The following MIGA1 variants were observed in gnomAD, a reference collection of about 807,000 sequenced individuals.
MIGA1 encodes the protein mitoguardin 1.
Under a neutral mutation model 82.0 loss-of-function variants are expected in MIGA1, and 58 were observed. The observed-to-expected ratio is 0.71, with a 90% confidence interval of 0.57 to 0.88. MIGA1 has a LOEUF of 0.88. Among genes scored for constraint, MIGA1 ranks in the 40% least tolerant of loss-of-function variants. The pLI is 0.00. For synonymous variants in MIGA1, 249 were observed against 253.6 expected, an observed-to-expected ratio of 0.98 and a Z score of 0.17; for missense variants, 751 against 749.1, an observed-to-expected ratio of 1.00 and a Z score of -0.03.
chr1:77,855,834 G>A (rs544470676), intron 8 of MIGA1, among the ~76,000 whole-genome samples: 5 of 152,086 alleles, frequency 3.3e-5, no homozygotes, highest in Admixed American at 2.6e-4. Context: ...CATATTGACA[G>A]CAAACAGTGA....
At chr1:77,816,091 G>A (rs1442915362) in intron 7 of MIGA1, among the ~76,000 whole-genome samples, 2 of 152,118 alleles carry the variant, frequency 1.3e-5, no homozygotes, top group Non-Finnish European at 2.9e-5. Flanking sequence ...TTACAGGCAT[G>A]TGCCACCATA....
chr1:77,858,857 T>A (rs1685361985), intron 8 of MIGA1, 81 bp from the exon 9 acceptor site: 1 of 771,054 alleles, frequency 1.3e-6, no homozygotes, highest in Non-Finnish European at 2.2e-6. Flanking sequence ...TGGGTTCAAA[T>A]GATCCTCCCA....
At chr1:77,818,866 G>A (rs991146075) in intron 7 of MIGA1, among the ~76,000 whole-genome samples, 1 of 151,906 alleles carries the variant, frequency 6.6e-6, no homozygotes, top group Admixed American at 6.6e-5. Flanking sequence ...AATCACCTGA[G>A]GTCGGGAGTT....
rs765998538 is a variant in MIGA1, at chr1:77,803,351, A to G, written c.455A>G (p.Tyr152Cys). ...GACAAAGGATCTCAAGTTTGTAACT[A>G]TGCTAATGGAGGACTTTTCAGTAAA... The change falls in exon 4 of 16, where the codon TAT (tyrosine) becomes TGT (cysteine). Residue 152 changes from tyrosine (Y) to cysteine (C), a missense_variant. Tyr to Cys is a radical substitution (Grantham distance 194). Around this residue, in one of 3 missense-constraint regions of MIGA1, gnomAD observed 482 missense variants for 439.4 expected, o/e 1.10. Coordinates refer to ENST00000370791, the MANE Select transcript of MIGA1 (RefSeq NM_198549.4). The G allele has an allele frequency of 6.4e-7, 1 of 1,568,048 alleles. No individual in the cohort carries two copies. Among genetic ancestry groups the G allele is most frequent in the Admixed American group, 1.8e-5 (1 of 55,346 alleles).
intron 2 of MIGA1, among the ~76,000 whole-genome samples, chr1:77,795,897 G>A (rs1432448542): frequency 6.6e-6 from 1 of 151,768 alleles, no homozygotes; most frequent in African/African-American, 2.4e-5. Flanking sequence ...GCCTCCCAAA[G>A]TGCTGGTCAT....
rs1646898631 is a variant in MIGA1, at chr1:77,876,995, C to T, written c.*1931C>T. On this transcript the variant is annotated 3_prime_UTR_variant, in exon 16 of 16. Coordinates refer to ENST00000370791, the MANE Select transcript of MIGA1 (RefSeq NM_198549.4). Reference sequence around the variant, plus strand: ...TTAGGAGTGAGTTGCACAAAAGGACCTAAAATGCATTGTTTTTTGCCTTCT... The same window carrying T: ...TTAGGAGTGAGTTGCACAAAAGGACTTAAAATGCATTGTTTTTTGCCTTCT... 6.6e-6 allele frequency: 1 copy of T among 152,108 alleles called. No individual in the cohort carries two copies. Among genetic ancestry groups the T allele is most frequent in the African/African-American group, 2.4e-5 (1 of 41,386 alleles). The allele number at this position is 152,108 out of a possible 1,614,324, so 9.4% of individuals were successfully genotyped here.
At chr1:77,859,572 T>TA in intron 10 of MIGA1, 186 bp downstream of exon 10, 1 of 538,908 alleles carries the variant, frequency 1.9e-6, no homozygotes, top group East Asian at 2.8e-5. Flanking sequence ...CATATTTCAT[T>TA]ATCCTCTCCC....
At chr1:77,863,080 T>G (rs762514162) in intron 12 of MIGA1, among the ~76,000 whole-genome samples, 2 of 152,142 alleles carry the variant, frequency 1.3e-5, no homozygotes, top group African/African-American at 2.4e-5. Flanking sequence ...ATGAAATCAG[T>G]ATCCATTTAC....
Position 77,807,097 on chromosome 1 carries a change from A to C in MIGA1, c.633A>C (p.Leu211Phe), listed in dbSNP as rs1173618027. The C allele has an allele frequency of 3.2e-6, 5 of 1,572,604 alleles. No homozygotes were observed. The highest frequency in any genetic ancestry group is 4.3e-6 in the Non-Finnish European group (5 of 1,151,660). ...TGACTACTCCAGAGAACTTATACTT[A>C]ATGGGTAGGAATGAGATGATAACAT... Residue 211 changes from leucine to phenylalanine, a missense_variant, in exon 5 of 16, where the codon TTA becomes TTC. By Grantham distance (22) the Leu-to-Phe change is conservative. Transcript: ENST00000370791.
rs745717394 is a variant in MIGA1 at position 77,815,128 on chromosome 1, T to C, written c.792T>C (p.Phe264=). 6.3e-7 allele frequency: 1 copy of C among 1,596,326 alleles called. No individual in the cohort carries two copies. The highest frequency in any genetic ancestry group is 1.7e-5 in the Admixed American group (1 of 58,866). Residue 264 remains phenylalanine, a synonymous_variant, in exon 7 of 16, where the codon TTT becomes TTC. Transcript: ENST00000370791. ...TGTAGGATATTATTAGTACTGAATT[T>C]ATCCATAAACTCGAAGCTCTGCTGC...
chr1:77,866,938 C>T (rs1685694416), intron 14 of MIGA1, among the ~76,000 whole-genome samples: 1 of 152,032 alleles, frequency 6.6e-6, no homozygotes, highest in Non-Finnish European at 1.5e-5. Context: ...CCTTGGCCTC[C>T]CAAAGTGCTG....
chr1:77,779,876 T>A, intron 1 of MIGA1, 140 bp downstream of exon 1: 1 of 1,425,758 alleles, frequency 7.0e-7, no homozygotes, highest in Non-Finnish European at 9.1e-7. Context: ...GAGTGCCAGG[T>A]GGAGCGGCGG....
chr1:77,832,459 A>T (rs1389257592), intron 7 of MIGA1, among the ~76,000 whole-genome samples: 1 of 152,256 alleles, frequency 6.6e-6, no homozygotes, highest in African/African-American at 2.4e-5. Context: ...GAGTAAGTAC[A>T]TAATAACATG....
Position 77,864,042 on chromosome 1 carries a change from A to G in MIGA1, c.1509+14A>G. 6.2e-7 allele frequency: 1 copy of G among 1,604,522 alleles called. No homozygotes were observed. Among genetic ancestry groups the G allele is most frequent in the South Asian group, 1.1e-5 (1 of 88,804 alleles). On this transcript the variant is annotated intron_variant, in intron 13 of 15. Coordinates refer to ENST00000370791, the MANE Select transcript of MIGA1 (RefSeq NM_198549.4). ...TTCAAAGAAACAGTAAGTGGTGGTT[A>G]ACCTTTCTCAGCCTTTTAAGTTTGA... is the stretch of plus-strand genomic sequence containing the variant.
chr1:77,813,419 TAGC>T (rs1683436167), intron 5 of MIGA1, among the ~76,000 whole-genome samples: 1 of 152,212 alleles, frequency 6.6e-6, no homozygotes, highest in East Asian at 1.9e-4. Context: ...CTATAAAAAA[TAGC>T]TATTACTGTG....
intron 7 of MIGA1, among the ~76,000 whole-genome samples, chr1:77,839,137 G>A (rs1684535531): frequency 6.6e-6 from 1 of 152,124 alleles, no homozygotes; most frequent in African/African-American, 2.4e-5. Context: ...CATAGGTAAT[G>A]CCAAACTTTT....
intron 14 of MIGA1, among the ~76,000 whole-genome samples, chr1:77,870,760 C>T (rs1207901819): frequency 2.7e-5 from 4 of 150,258 alleles, no homozygotes; most frequent in African/African-American, 4.9e-5. Context: ...TGTAGCGAGC[C>T]GAGATCACGC....
intron 6 of MIGA1, among the ~76,000 whole-genome samples, chr1:77,814,580 G>T (rs1683503100): frequency 6.6e-6 from 1 of 152,126 alleles, no homozygotes; most frequent in African/African-American, 2.4e-5. Context: ...TTTAAAGTTT[G>T]ATTTGTGCTT....
intron 5 of MIGA1, chr1:77,811,560 A>G: frequency 1.2e-6 from 2 of 1,610,548 alleles, no homozygotes; most frequent in Non-Finnish European, 1.7e-6. Context: ...GTAAAGCTGC[A>G]CTTCGCAATT....
Sources: allele counts gnomAD v4.1 joint callset (sites outside exome capture counted in the v4.1 genomes callset), GRCh38; gene constraint gnomAD v4.1.1; regional missense constraint gnomAD v4.1.1; transcripts MANE v1.5; gene names NCBI Gene and HGNC (gene_info 2026-07-23, HGNC 2026-07-21).